ATRNL1: variants seen among roughly 807,000 people sequenced by gnomAD.
ATRNL1 encodes the protein attractin like 1.
ATRNL1 carries 95 observed loss-of-function variants against 182.7 expected under a neutral mutation model. That is an observed-to-expected ratio of 0.52 (90% CI 0.44 to 0.62). The LOEUF (loss-of-function observed/expected upper bound fraction) is 0.62. Ranked by LOEUF, ATRNL1 falls within the 20% of genes least tolerant of loss-of-function variation. The probability of loss-of-function intolerance (pLI) is 0.00; values close to 1 mark genes in which losing one functional copy is unlikely to be tolerated. For synonymous variants in ATRNL1, 576 were observed against 568.3 expected, an observed-to-expected ratio of 1.01 and a Z score of -0.19; for missense variants, 1,471 against 1,679.5, an observed-to-expected ratio of 0.88 and a Z score of 2.17.
chr10:115,493,435 AG>A (rs1849404780), intron 24 of ATRNL1, among the ~76,000 whole-genome samples: 1 of 152,190 alleles, frequency 6.6e-6, no homozygotes, highest in Admixed American at 6.5e-5. Flanking sequence ...GTTGCTACAG[AG>A]GACATGATTT....
At chr10:115,378,991 G>T (rs1293101639) in intron 19 of ATRNL1, among the ~76,000 whole-genome samples, 1 of 152,018 alleles carries the variant, frequency 6.6e-6, no homozygotes, top group Non-Finnish European at 1.5e-5. Flanking sequence ...TTTGAAGCAG[G>T]TACTACCATT....
intron 28 of ATRNL1, among the ~76,000 whole-genome samples, chr10:115,944,159 A>T (rs574063926): frequency 5.7e-4 from 87 of 151,780 alleles, no homozygotes; most frequent in African/African-American, 1.8e-3. Context: ...GCAACAGAAA[A>T]AGTAAACCCT....
intron 1 of ATRNL1, among the ~76,000 whole-genome samples, chr10:115,096,286 A>G (rs2085008531): frequency 6.6e-6 from 1 of 152,178 alleles, no homozygotes; most frequent in Admixed American, 6.5e-5. Context: ...AACTGGTGTA[A>G]CGATCTGTGT....
intron 28 of ATRNL1, among the ~76,000 whole-genome samples, chr10:115,927,168 A>ATG (rs1953261468): frequency 6.6e-6 from 1 of 152,128 alleles, no homozygotes; most frequent in Non-Finnish European, 1.5e-5. Flanking sequence ...CAAAAACCAC[A>ATG]TGATTATCTC....
chr10:115,663,356 ACT>A (rs1205136080), intron 26 of ATRNL1, among the ~76,000 whole-genome samples: 2 of 152,102 alleles, frequency 1.3e-5, no homozygotes, highest in Non-Finnish European at 1.5e-5. Flanking sequence ...CAACATTTTT[ACT>A]ATACTTTAAA....
rs568681761 is a variant in ATRNL1, at chr10:115,743,769, T to C, written c.3903+16414T>C. Among the ~76,000 whole-genome samples the C allele has an allele frequency of 1.5e-3, 232 of 151,764 alleles. 10 individuals carry two copies. In the South Asian group the frequency reaches 0.047, roughly 31 times the overall value. ...CTTATTGTATTTTAATGCATTAAAA[T>C]ACTATGTGTATTTTATTAAAATTGT... On this transcript the variant is annotated intron_variant, in intron 27 of 28. Transcript: ENST00000355044.
At chr10:115,099,784 C>G (rs1460349149) in intron 1 of ATRNL1, among the ~76,000 whole-genome samples, 2 of 152,084 alleles carry the variant, frequency 1.3e-5, no homozygotes, top group Non-Finnish European at 2.9e-5. Context: ...AATTTTCTTA[C>G]TGATTTTTGT....
chr10:115,850,768 A>G (rs1951035805), intron 28 of ATRNL1, among the ~76,000 whole-genome samples: 1 of 152,234 alleles, frequency 6.6e-6, no homozygotes, highest in African/African-American at 2.4e-5. Flanking sequence ...AATGAGCAAC[A>G]GAGTTCAAAT....
At chr10:115,750,203 G>A (rs1027122095) in intron 27 of ATRNL1, among the ~76,000 whole-genome samples, 14 of 151,834 alleles carry the variant, frequency 9.2e-5, no homozygotes, top group Admixed American at 8.6e-4. Context: ...TTCAATTACA[G>A]ACACTAATGG....
intron 21 of ATRNL1, among the ~76,000 whole-genome samples, chr10:115,453,910 C>T (rs1247507018): frequency 6.6e-6 from 1 of 151,318 alleles, no homozygotes; most frequent in Non-Finnish European, 1.5e-5. Context: ...AACTAACCTG[C>T]ACATTGTGCA....
At chr10:115,530,269 C>T (rs11197269) in intron 25 of ATRNL1, among the ~76,000 whole-genome samples, 64,241 of 151,916 alleles carry the variant, frequency 0.42, 14,074 homozygotes, top group Middle Eastern at 0.53. Flanking sequence ...CACATGGTAA[C>T]TCTAGGTTAA....
chr10:115,533,290 G>T (rs1368111157), intron 25 of ATRNL1, among the ~76,000 whole-genome samples: 28 of 152,122 alleles, frequency 1.8e-4, no homozygotes, highest in South Asian at 1.5e-3. Flanking sequence ...TGGTGTTATT[G>T]GTCTATTCAG....
intron 25 of ATRNL1, among the ~76,000 whole-genome samples, chr10:115,534,268 C>T (rs1851809143): frequency 6.6e-6 from 1 of 151,202 alleles, no homozygotes; most frequent in Admixed American, 6.6e-5. Context: ...TCAGGACTTG[C>T]TTTATGAATC....
intron 26 of ATRNL1, among the ~76,000 whole-genome samples, chr10:115,692,667 T>A (rs1279271025): frequency 6.6e-6 from 1 of 151,804 alleles, no homozygotes; most frequent in African/African-American, 2.4e-5. Context: ...AAATGAAATA[T>A]AATCCTATAA....
chr10:115,921,315 G>C (rs557753471), intron 28 of ATRNL1, among the ~76,000 whole-genome samples: 1 of 89,698 alleles, frequency 1.1e-5, no homozygotes, highest in African/African-American at 2.9e-5. Context: ...GATATAGGTT[G>C]TATTTAAGCA....
chr10:115,871,473 G>GTATATATATATATATA lies in ATRNL1; in HGVS notation c.4018+23483_4018+23484insATATATATATATATAT, dbSNP rs1391895391. ...AGAAAGGCCTGGTCAGATTCTTTGTGTGTGTGTATATATATATATATATAT... is the reference window on the plus strand; with the variant it reads ...AGAAAGGCCTGGTCAGATTCTTTGTGTATATATATATATATATGTGTGTATATATATATATATATAT... On this transcript the variant is annotated intron_variant, in intron 28 of 28. Coordinates refer to ENST00000355044, the MANE Select transcript of ATRNL1 (RefSeq NM_207303.4). Among the ~76,000 whole-genome samples the GTATATATATATATATA allele has an allele frequency of 3.3e-3, 50 of 14,992 alleles. 1 individual carries two copies. The highest frequency in any genetic ancestry group is 6.9e-3 in the African/African-American group (47 of 6,854). The allele number at this position is 14,992 out of a possible 152,430, so 9.8% of individuals were successfully genotyped here. A position where few individuals can be genotyped will look rare whatever the true frequency, so the allele number is the denominator to read the frequency against.
intron 26 of ATRNL1, among the ~76,000 whole-genome samples, chr10:115,687,347 A>G (rs970086609): frequency 6.6e-6 from 1 of 152,070 alleles, no homozygotes; most frequent in Non-Finnish European, 1.5e-5. Flanking sequence ...GATTTATCAT[A>G]TAAGTGGTGC....
chr10:115,655,284 G>A (rs1242384252), intron 26 of ATRNL1, among the ~76,000 whole-genome samples: 1 of 152,162 alleles, frequency 6.6e-6, no homozygotes, highest in East Asian at 1.9e-4. Flanking sequence ...TACAAATAAG[G>A]AAATTTAACA....
At chr10:115,622,050 C>T (rs115069700) in intron 26 of ATRNL1, among the ~76,000 whole-genome samples, 47 of 152,268 alleles carry the variant, frequency 3.1e-4, no homozygotes, top group African/African-American at 1.1e-3. Flanking sequence ...GCACACTGTT[C>T]TTAAGAATTA....
Sources: allele counts gnomAD v4.1 joint callset (sites outside exome capture counted in the v4.1 genomes callset), GRCh38; gene constraint gnomAD v4.1.1; transcripts MANE v1.5; gene names NCBI Gene and HGNC (gene_info 2026-07-23, HGNC 2026-07-21).